Variants in MAP3K10 observed in about 807,000 individuals in gnomAD.
MAP3K10 encodes MKN28 derived nonreceptor_type serine/threonine kinase.
MAP3K10 carries 22 observed loss-of-function variants against 75.0 expected under a neutral mutation model. That is an observed-to-expected ratio of 0.29 (90% CI 0.21 to 0.42). The LOEUF is 0.42. Among genes scored for constraint, MAP3K10 ranks in the 10% least tolerant of loss-of-function variants. The probability of loss-of-function intolerance (pLI) is 1.00; values close to 1 mark genes in which losing one functional copy is unlikely to be tolerated. For synonymous variants in MAP3K10, 599 were observed against 612.9 expected (o/e 0.98, Z 0.34); for missense variants, 1,165 against 1,379.8 (o/e 0.84, Z 2.47).
intron 1 of MAP3K10, among the ~76,000 whole-genome samples, chr19:40,196,523 T>G (rs1972908956): frequency 6.6e-6 from 1 of 152,136 alleles, no homozygotes; most frequent in African/African-American, 2.4e-5. Context: ...CTTTATTTAT[T>G]TATTTATTTC....
At position 40,213,974 on chromosome 19, in the gene MAP3K10, C is replaced by G; in HGVS notation, c.2295C>G (p.Asp765Glu). The G allele has an allele frequency of 1.3e-6, 2 of 1,534,586 alleles. No homozygotes were observed. The highest frequency in any genetic ancestry group is 1.7e-6 in the Non-Finnish European group (2 of 1,147,536). ...CCACGCGTTCACTGCTGCGCTCTGA[C>G]AGTGACGAGGCCGCACCGGCCGCGC... is the stretch of plus-strand genomic sequence containing the variant. ...CNSTRSLLRS[D>E]SDEAAPAAPS... The change falls in exon 9 of 10, where the codon GAC (aspartate) becomes GAG (glutamate). Residue 765 changes from aspartate to glutamate, a missense_variant. By Grantham distance (45) the Asp-to-Glu change is conservative. Coordinates refer to ENST00000253055, the MANE Select transcript of MAP3K10 (RefSeq NM_002446.4). The surrounding 1 kb of genome is among the most constrained non-coding windows in gnomAD (Gnocchi z 5.7).
chr19:40,201,702 C>G (rs958866631), intron 2 of MAP3K10, among the ~76,000 whole-genome samples: 3 of 151,388 alleles, frequency 2.0e-5, no homozygotes, highest in African/African-American at 7.3e-5. Context: ...ACGCTGGTCT[C>G]GATCTCTTGG....
At chr19:40,194,134 G>T (rs112378923) in intron 1 of MAP3K10, among the ~76,000 whole-genome samples, 8 of 152,132 alleles carry the variant, frequency 5.3e-5, no homozygotes, top group African/African-American at 1.9e-4. Context: ...GCCGACGTGG[G>T]TGCATCACCC....
Position 40,213,822 on chromosome 19 carries a change from G to A in MAP3K10, c.2143G>A (p.Gly715Ser), listed in dbSNP as rs1973290140. 2.3e-6 allele frequency: 3 copies of A among 1,309,042 alleles called. No individual in the cohort carries two copies. The highest frequency in any genetic ancestry group is 1.6e-5 in the African/African-American group (1 of 62,778). 81.1% of individuals were successfully genotyped at this position (1,309,042 alleles called of 1,614,324 possible). A position where few individuals can be genotyped will look rare whatever the true frequency, so the allele number is the denominator to read the frequency against. ...WLDGLFFPRAGRFPRGLSPPA... is the reference protein window; with the variant it reads ...WLDGLFFPRASRFPRGLSPPA... The stretch of plus-strand genomic sequence containing the variant: ...CGACGGCCTCTTCTTTCCCCGCGCC[G>A]GCCGCTTCCCGCGGGGCCTCAGCCC... The change falls in exon 9 of 10, where the codon GGC becomes AGC. Residue 715 changes from glycine to serine, a missense_variant. Physicochemically the swap from Gly to Ser is moderately conservative, Grantham distance 56. Around this residue, in one of 2 missense-constraint regions of MAP3K10, gnomAD observed 590 missense variants for 586.6 expected, o/e 1.01. Transcript: ENST00000253055. This position sits in a 1 kb window ranked among gnomAD's most constrained non-coding sequence, Gnocchi z 5.7.
At position 40,215,402 on chromosome 19, in the gene MAP3K10, A is replaced by G. The variant is rs1973336147; in HGVS notation, c.*110A>G. ...AGGCCCTGGGCAGGATGTTCACTCT[A>G]TTTATTGGGGAAGGAGGGAGGGGGG... On this transcript the variant is annotated 3_prime_UTR_variant, in exon 10 of 10. Transcript: ENST00000253055. The G allele has an allele frequency of 4.1e-6, 4 of 974,090 alleles. No individual in the cohort carries two copies. Among genetic ancestry groups the G allele is most frequent in the Non-Finnish European group, 4.5e-6 (3 of 670,998 alleles). The allele number at this position is 974,090 out of a possible 1,614,324, so 60.3% of individuals were successfully genotyped here.
intron 2 of MAP3K10, among the ~76,000 whole-genome samples, chr19:40,200,275 C>G (rs553817954): frequency 1.3e-5 from 2 of 152,122 alleles, no homozygotes; most frequent in Non-Finnish European, 2.9e-5. Flanking sequence ...GGTGACAGAG[C>G]AAGACTCCAT....
Position 40,213,040 on chromosome 19 carries a change from A to C in MAP3K10, c.1725-36A>C. The stretch of plus-strand genomic sequence containing the variant: ...CCCCAGCTCCCAGGCTCCAGGCCAC[A>C]GGACTGAGGTCTCCATCTCTCCCTG... On this transcript the variant is annotated intron_variant, in intron 7 of 9. Transcript: ENST00000253055. This position sits in a 1 kb window ranked among gnomAD's most constrained non-coding sequence, Gnocchi z 5.7. 6.3e-7 allele frequency: 1 copy of C among 1,598,104 alleles called. No individual in the cohort carries two copies. The highest frequency in any genetic ancestry group is 8.5e-7 in the Non-Finnish European group (1 of 1,171,024).
rs750414503 is a variant in MAP3K10, at chr19:40,192,275, G to A, written c.244G>A (p.Ala82Thr). The A allele has an allele frequency of 6.9e-6, 11 of 1,601,944 alleles. No homozygotes were observed. The highest frequency in any genetic ancestry group is 1.7e-4 in the Middle Eastern group (1 of 6,028). Residue 82 changes from alanine to threonine, a missense_variant, in exon 1 of 10, where the codon GCT becomes ACT. Ala to Thr is a moderately conservative substitution (Grantham distance 58). Coordinates refer to ENST00000253055, the MANE Select transcript of MAP3K10 (RefSeq NM_002446.4). The surrounding 1 kb of genome is among the most constrained non-coding windows in gnomAD (Gnocchi z 7.1). ...PSNYVAPGAP[A>T]APAGLQLPQE... ...CAACTACGTGGCCCCCGGCGCCCCC[G>A]CTGCACCCGCGGGCCTCCAGCTGCC...
Position 40,204,352 on chromosome 19 carries a change from G to C in MAP3K10, c.864-133G>C. The stretch of plus-strand genomic sequence containing the variant: ...AACAAGGCCATGGAGGTCAAAGCAA[G>C]TTCTTGTGACCTCATTGGCCGGGGG... On this transcript the variant is annotated intron_variant, in intron 2 of 9. Coordinates refer to ENST00000253055, the MANE Select transcript of MAP3K10 (RefSeq NM_002446.4). The surrounding 1 kb of genome is among the most constrained non-coding windows in gnomAD (Gnocchi z 4.3). The C allele has an allele frequency of 1.0e-6, 1 of 974,792 alleles. No individual in the cohort carries two copies. The highest frequency in any genetic ancestry group is 1.5e-6 in the Non-Finnish European group (1 of 685,202). 60.4% of individuals were successfully genotyped at this position (974,792 alleles called of 1,614,324 possible). A position where few individuals can be genotyped will look rare whatever the true frequency, so the allele number is the denominator to read the frequency against.
intron 5 of MAP3K10, among the ~76,000 whole-genome samples, chr19:40,206,741 T>A (rs1973130170): frequency 6.6e-6 from 1 of 152,236 alleles, no homozygotes; most frequent in Non-Finnish European, 1.5e-5. Context: ...AACATCTGTC[T>A]TGACACTTAG....
rs1973263106 is a variant in MAP3K10, at chr19:40,212,752, C to T, written c.1553-53C>T. On this transcript the variant is annotated intron_variant, in intron 6 of 9. Coordinates refer to ENST00000253055, the MANE Select transcript of MAP3K10 (RefSeq NM_002446.4). This position sits in a 1 kb window ranked among gnomAD's most constrained non-coding sequence, Gnocchi z 4.2. ...AGCTGGGGGCACTGGAGGCTGGGAG[C>T]CCAGTGGGGACAGATCCTCCACCCA... 31 of 1,554,986 alleles carry T rather than the reference C, an allele frequency of 2.0e-5. No homozygotes were observed. The highest frequency in any genetic ancestry group is 2.6e-5 in the Non-Finnish European group (30 of 1,150,520).
At chr19:40,195,374 G>A (rs1256904388) in intron 1 of MAP3K10, among the ~76,000 whole-genome samples, 1 of 151,424 alleles carries the variant, frequency 6.6e-6, no homozygotes, top group African/African-American at 2.4e-5. Context: ...GGAGAGGTGG[G>A]GACCTAAGAA....
chr19:40,202,176 G>A (rs1191440716), intron 2 of MAP3K10, among the ~76,000 whole-genome samples: 2 of 152,140 alleles, frequency 1.3e-5, no homozygotes, highest in African/African-American at 2.4e-5. Context: ...GAGTAGCTGG[G>A]ACTACAGGCG....
rs1215580179 is a variant in MAP3K10 at position 40,204,604 on chromosome 19, GC to G, written c.987del (p.Glu330SerfsTer25). The part of the protein sequence containing the change: ...NKLTLPIPST[C>X]PEPFARLLEE... ...CTGACGCTGCCCATTCCCTCCACGT[GC>G]CCCGAGCCCTTTGCCCGCCTCCTGG... On this transcript the variant is annotated frameshift_variant, in exon 3 of 10. Coordinates refer to ENST00000253055, the MANE Select transcript of MAP3K10 (RefSeq NM_002446.4). LOFTEE classifies it high-confidence loss of function. This position sits in a 1 kb window ranked among gnomAD's most constrained non-coding sequence, Gnocchi z 4.3. 1 of 1,612,918 alleles carries G rather than the reference GC, an allele frequency of 6.2e-7. No homozygotes were observed. Among genetic ancestry groups the G allele is most frequent in the African/African-American group, 1.3e-5 (1 of 75,024 alleles).
chr19:40,196,739 G>A (rs1169353510), intron 1 of MAP3K10, among the ~76,000 whole-genome samples: 2 of 151,998 alleles, frequency 1.3e-5, no homozygotes, highest in African/African-American at 2.4e-5. Flanking sequence ...GGCTGGTCTC[G>A]GTCTCCTGAC....
At chr19:40,202,671 G>T (rs1378428577) in intron 2 of MAP3K10, among the ~76,000 whole-genome samples, 1 of 151,934 alleles carries the variant, frequency 6.6e-6, no homozygotes, top group Non-Finnish European at 1.5e-5. Flanking sequence ...TAAAAGACAG[G>T]CTCTCACTCT....
chr19:40,192,543 G>GC lies in MAP3K10; in HGVS notation c.514dup (p.Leu172ProfsTer42). On this transcript the variant is annotated frameshift_variant, in exon 1 of 10. Transcript: ENST00000253055. LOFTEE classifies it high-confidence loss of function. This position sits in a 1 kb window ranked among gnomAD's most constrained non-coding sequence, Gnocchi z 7.1. Reference sequence around the variant, plus strand: ...GCCTGCCTCAACCCCCCACACCTCTGCCTAGTGATGGAGTATGCCCGGGGT... The same window carrying GC: ...GCCTGCCTCAACCCCCCACACCTCTGCCCTAGTGATGGAGTATGCCCGGGGT... 1 of 1,613,542 alleles carries GC rather than the reference G, an allele frequency of 6.2e-7. No homozygotes were observed. Among genetic ancestry groups the GC allele is most frequent in the Non-Finnish European group, 8.5e-7 (1 of 1,179,936 alleles).
intron 5 of MAP3K10, chr19:40,206,418 T>G (rs1400902338): frequency 2.9e-6 from 1 of 346,752 alleles, no homozygotes; most frequent in Non-Finnish European, 5.1e-6. Flanking sequence ...AAAAAAAAAT[T>G]TTTTTTAATT....
intron 5 of MAP3K10, chr19:40,206,390 C>A (rs1200747535): frequency 7.1e-6 from 3 of 421,454 alleles, no homozygotes; most frequent in Non-Finnish European, 1.2e-5. Flanking sequence ...GCAACATAGA[C>A]CCCATATTTA....
Sources: gnomAD v4.1 joint callset for allele counts (sites outside exome capture counted in the v4.1 genomes callset) on GRCh38, gnomAD v4.1.1 for gene constraint, gnomAD v4.1.1 regional missense constraint, Gnocchi (gnomAD v3.1) non-coding constraint, MANE v1.5 for transcripts, NCBI Gene and HGNC (gene_info 2026-07-23, HGNC 2026-07-21) for gene names.